COL15A1: variants seen among roughly 807,000 people sequenced by gnomAD.
COL15A1 encodes the protein collagen alpha-1(XV) chain.
COL15A1 carries 111 observed loss-of-function variants against 165.9 expected under a neutral mutation model. That is an observed-to-expected ratio of 0.67 (90% CI 0.57 to 0.78). The LOEUF (loss-of-function observed/expected upper bound fraction) is 0.78. COL15A1 is among the 30% of genes least tolerant of loss of function. COL15A1 has a pLI of 0.00. For missense variants in COL15A1, 1,745 were observed against 1,789.7 expected (o/e 0.98, Z 0.45); for synonymous variants, 659 against 674.8 (o/e 0.98, Z 0.36).
intron 21 of COL15A1, among the ~76,000 whole-genome samples, chr9:99,037,036 C>T (rs1306156010): frequency 6.6e-6 from 1 of 152,234 alleles, no homozygotes; most frequent in East Asian, 1.9e-4. Context: ...TCTTTATGTG[C>T]TCCCTTTAGA....
intron 16 of COL15A1, among the ~76,000 whole-genome samples, chr9:99,030,873 A>G (rs1000212483): frequency 3.3e-5 from 5 of 152,234 alleles, no homozygotes; most frequent in African/African-American, 9.6e-5. Context: ...GCAGCCAGCA[A>G]CAAGCCAATC....
intron 2 of COL15A1, 143 bp downstream of exon 2, chr9:98,944,393 C>G: frequency 1.2e-6 from 1 of 843,170 alleles, no homozygotes; most frequent in Non-Finnish European, 1.9e-6. Flanking sequence ...CTGGCGGTCC[C>G]GCGGGCGGCT....
chr9:99,060,612 G>A (rs956318509), intron 36 of COL15A1, among the ~76,000 whole-genome samples: 5 of 152,032 alleles, frequency 3.3e-5, no homozygotes, highest in Admixed American at 1.3e-4. Context: ...CTGCTCGGGT[G>A]CGGTGGCTCA....
chr9:99,049,680 C>G lies in COL15A1; in HGVS notation c.2794-10C>G, dbSNP rs1447079249. On this transcript the variant is annotated splice_polypyrimidine_tract_variant and intron_variant, in intron 28 of 41. Transcript: ENST00000375001. ...TGAACTAATGGAATGGCCTTTTTTT[C>G]TTCCTTCAGGGCCCACCTGGCTTAC... 3.1e-6 allele frequency: 5 copies of G among 1,609,960 alleles called. No homozygotes were observed. Among genetic ancestry groups the G allele is most frequent in the Non-Finnish European group, 4.2e-6 (5 of 1,179,206 alleles).
intron 2 of COL15A1, among the ~76,000 whole-genome samples, chr9:98,957,589 T>A (rs1045875245): frequency 1.3e-5 from 2 of 152,162 alleles, no homozygotes; most frequent in African/African-American, 4.8e-5. Flanking sequence ...CACACCCTAA[T>A]CTCAAACCAA....
chr9:99,062,304 C>G lies in COL15A1; in HGVS notation c.3591C>G (p.Asn1197Lys), dbSNP rs199959562. The G allele has an allele frequency of 4.4e-6, 7 of 1,607,798 alleles. No individual in the cohort carries two copies. The highest frequency in any genetic ancestry group is 6.0e-6 in the Non-Finnish European group (7 of 1,174,130). Residue 1197 changes from asparagine to lysine, a missense_variant and splice_region_variant, in exon 38 of 42, where the codon AAC (asparagine) becomes AAG (lysine). Asn to Lys is a moderately conservative substitution (Grantham distance 94). Transcript: ENST00000375001. ...CTCCACCCCCTGCGCTTTCCAGCAA[C>G]GTGAGTAGTTACCCTGTTGGACTGC... ...DSPPPPALSS[N>K]PHQLLPPPNP...
At position 99,056,452 on chromosome 9, in the gene COL15A1, G is replaced by A. The variant is rs371759300; in HGVS notation, c.3337+48G>A. ...TTGTTCATGCTGTCCCTACCATTGT[G>A]TTCAAGGTCACAGCATCTGGGTGGC... On this transcript the variant is annotated intron_variant, in intron 35 of 41. Coordinates refer to ENST00000375001, the MANE Select transcript of COL15A1 (RefSeq NM_001855.5). 10 of 1,537,538 alleles carry A rather than the reference G, an allele frequency of 6.5e-6. No homozygotes were observed. In the African/African-American group the frequency reaches 9.6e-5, roughly 15 times the overall value.
Position 98,985,749 on chromosome 9 carries a change from C to T in COL15A1, c.285C>T (p.Val95=), listed in dbSNP as rs781781615. Residue 95 remains valine (V), a synonymous_variant, in exon 3 of 42, where the codon GTC becomes GTT. Transcript: ENST00000375001. ...STFFRDFAIS[V]VVKPSSTRGG... is the part of the protein sequence containing the mutation. The stretch of plus-strand genomic sequence containing the variant: ...TCTTCAGGGACTTCGCCATCAGCGT[C>T]GTGGTGAAGCCCAGCAGCACCCGTG... 30 of 1,614,066 alleles carry T rather than the reference C, an allele frequency of 1.9e-5. 1 individual carries two copies. The South Asian group carries it at 2.2e-4, about 12-fold the overall frequency.
At chr9:99,022,220 G>A in intron 13 of COL15A1, 70 bp downstream of exon 13, 1 of 1,599,568 alleles carries the variant, frequency 6.3e-7, no homozygotes, top group South Asian at 1.1e-5. Flanking sequence ...ACAGCCACAG[G>A]CTGAGGACTC....
intron 16 of COL15A1, among the ~76,000 whole-genome samples, chr9:99,031,489 G>A (rs1030504450): frequency 6.6e-6 from 1 of 152,202 alleles, no homozygotes; most frequent in Admixed American, 6.5e-5. Context: ...GCATGGGCTC[G>A]AGTCTGTGAA....
intron 10 of COL15A1, among the ~76,000 whole-genome samples, 154 bp from the exon 11 acceptor site, chr9:99,015,822 T>C (rs1471180774): frequency 6.6e-6 from 1 of 152,150 alleles, no homozygotes; most frequent in East Asian, 1.9e-4. Context: ...TTAGAAGAGA[T>C]GCATATTTCA....
At chr9:98,978,430 G>A (rs554338393) in intron 2 of COL15A1, among the ~76,000 whole-genome samples, 21 of 152,188 alleles carry the variant, frequency 1.4e-4, no homozygotes, top group Non-Finnish European at 2.1e-4. Context: ...GGAATTTTCC[G>A]AGCAGAAAGA....
chr9:99,030,688 G>A (rs187001975), intron 16 of COL15A1, among the ~76,000 whole-genome samples: 9 of 152,310 alleles, frequency 5.9e-5, no homozygotes, highest in Admixed American at 5.2e-4. Flanking sequence ...AAACAATTCA[G>A]TTTTTCACTT....
Position 99,067,067 on chromosome 9 carries a change from G to T in COL15A1, c.3837G>T (p.Lys1279Asn). The T allele has an allele frequency of 1.2e-6, 2 of 1,611,652 alleles. No individual in the cohort carries two copies. The highest frequency in any genetic ancestry group is 1.7e-6 in the Non-Finnish European group (2 of 1,178,754). Reference sequence around the variant, plus strand: ...ACAGCCTTCCCATAGTGAACCTCAAGGTAAAAATAAATATGGTTCCCATTG... The same window carrying T: ...ACAGCCTTCCCATAGTGAACCTCAATGTAAAAATAAATATGGTTCCCATTG... ...ERYSLPIVNLKGQVLFNNWDS... is the reference protein window; with the variant it reads ...ERYSLPIVNLNGQVLFNNWDS... Residue 1279 changes from lysine (K) to asparagine (N), a missense_variant and splice_region_variant, in exon 40 of 42, where the codon AAG becomes AAT. Coordinates refer to ENST00000375001, the MANE Select transcript of COL15A1 (RefSeq NM_001855.5).
chr9:99,061,896 A>G (rs537353986), intron 36 of COL15A1, 75 bp from the exon 37 acceptor site: 71 of 1,525,096 alleles, frequency 4.7e-5, no homozygotes, highest in Non-Finnish European at 4.8e-5. Context: ...TTGACTTTAC[A>G]GAGAGGCCAG....
At chr9:98,954,551 T>C (rs1837745329) in intron 2 of COL15A1, among the ~76,000 whole-genome samples, 1 of 152,256 alleles carries the variant, frequency 6.6e-6, no homozygotes, top group African/African-American at 2.4e-5. Context: ...TTGGTTGTCT[T>C]GTAATTAAAC....
At chr9:99,054,977 T>C in intron 32 of COL15A1, 125 bp from the exon 33 acceptor site, 2 of 859,918 alleles carry the variant, frequency 2.3e-6, no homozygotes. Flanking sequence ...CCAAGCAGAC[T>C]CTGTTAGCCA....
chr9:99,044,741 C>A lies in COL15A1; in HGVS notation c.2650C>A (p.Pro884Thr), dbSNP rs753014874. Residue 884 changes from proline (P) to threonine (T), a missense_variant, in exon 26 of 42, where the codon CCT becomes ACT. By Grantham distance (38) the Pro-to-Thr change is conservative. Transcript: ENST00000375001. ...ATATATCTTCCTGTTTTAGGGTGAA[C>A]CTGGAATGCATGGAGCCCCAGGACC... is the stretch of plus-strand genomic sequence containing the variant. ...LERLMGKKGE[P>T]GMHGAPGPMG... 8 of 1,613,762 alleles carry A rather than the reference C, an allele frequency of 5.0e-6. No homozygotes were observed. The African/African-American group carries it at 1.1e-4, about 22-fold the overall frequency.
chr9:98,989,145 G>C, intron 4 of COL15A1, 33 bp from the exon 5 acceptor site: 1 of 1,582,318 alleles, frequency 6.3e-7, no homozygotes, highest in Non-Finnish European at 8.7e-7. Flanking sequence ...TGCCCGCTCT[G>C]CCCGGTGTGT....
Sources: allele counts gnomAD v4.1 joint callset (sites outside exome capture counted in the v4.1 genomes callset), GRCh38; gene constraint gnomAD v4.1.1; transcripts MANE v1.5; gene names NCBI Gene and HGNC (gene_info 2026-07-23, HGNC 2026-07-21).